Variants in KCNJ5 observed in about 807,000 individuals in gnomAD.
The protein encoded by KCNJ5 is potassium inwardly rectifying channel subfamily J member 5.
KCNJ5 carries 12 observed loss-of-function variants against 20.2 expected under a neutral mutation model. The observed-to-expected ratio is 0.59, with a 90% CI of 0.38 to 0.96. KCNJ5 has a LOEUF of 0.96. Ranked by LOEUF, KCNJ5 falls within the 40% of genes least tolerant of loss-of-function variation. KCNJ5 has a pLI of 0.00. For synonymous variants in KCNJ5, 210 were observed against 213.9 expected (o/e 0.98, Z 0.16); for missense variants, 449 against 557.6 (o/e 0.81, Z 1.96).
At chr11:128,912,613 C>G (rs1194966338) in intron 2 of KCNJ5, among the ~76,000 whole-genome samples, 1 of 152,122 alleles carries the variant, frequency 6.6e-6, no homozygotes, top group South Asian at 2.1e-4. Flanking sequence ...CGGATTCAAG[C>G]GATTCTCCTG....
At chr11:128,894,650 A>T (rs1591436922) in intron 1 of KCNJ5, among the ~76,000 whole-genome samples, 1 of 152,358 alleles carries the variant, frequency 6.6e-6, no homozygotes, top group East Asian at 1.9e-4. Flanking sequence ...ACCTGAGTGT[A>T]TTTCTCAAAA....
chr11:128,904,458 T>C (rs748342179), intron 1 of KCNJ5: 2 of 1,613,976 alleles, frequency 1.2e-6, no homozygotes, highest in Non-Finnish European at 1.7e-6. Context: ...GGCCAGATTC[T>C]GGGACTAGGC....
chr11:128,904,343 G>C, intron 1 of KCNJ5: 2 of 1,560,428 alleles, frequency 1.3e-6, no homozygotes, highest in South Asian at 2.4e-5. Flanking sequence ...ACTCTCTACT[G>C]CACTGATTTT....
At chr11:128,898,745 G>A (rs895234646) in intron 1 of KCNJ5, among the ~76,000 whole-genome samples, 3 of 151,978 alleles carry the variant, frequency 2.0e-5, no homozygotes, top group African/African-American at 4.8e-5. Flanking sequence ...GTTCAGTGGC[G>A]CAATCTCGGC....
At chr11:128,915,009 T>C (rs1944556521) in intron 2 of KCNJ5, among the ~76,000 whole-genome samples, 8 of 152,244 alleles carry the variant, frequency 5.3e-5, no homozygotes, top group Admixed American at 5.2e-4. Context: ...GAGAGCAGGC[T>C]GTGGGCGCAC....
At chr11:128,898,695 T>C (rs2083591107) in intron 1 of KCNJ5, among the ~76,000 whole-genome samples, 1 of 152,142 alleles carries the variant, frequency 6.6e-6, no homozygotes. Flanking sequence ...TCTTTCTTTC[T>C]TTTTTTTAGA....
rs549295876 is a variant in KCNJ5, at chr11:128,897,932, C to T, written c.-11+6211C>T. Among the ~76,000 whole-genome samples, 13 of 152,274 alleles carry T rather than the reference C, an allele frequency of 8.5e-5. No homozygotes were observed. In the South Asian group the frequency reaches 2.3e-3, roughly 27 times the overall value. On this transcript the variant is annotated intron_variant, in intron 1 of 2. Transcript: ENST00000529694. ...TTTCCTCCACTGAATTCCTTTTGCA[C>T]TTTTGTCAAAAATAAGTTGGGCATA...
chr11:128,892,958 G>C (rs1264519203), intron 1 of KCNJ5, among the ~76,000 whole-genome samples: 2 of 152,194 alleles, frequency 1.3e-5, no homozygotes, highest in African/African-American at 2.4e-5. Context: ...CAAAACTCTT[G>C]TCCTCTGGCT....
chr11:128,898,360 T>A lies in KCNJ5; in HGVS notation c.-11+6639T>A, dbSNP rs143643891. ...ATTTTGTAATTGTCAGCAGTTCTTTTTGCTCTGCCATGAACTAATTGTGTC... is the reference window on the plus strand; with the variant it reads ...ATTTTGTAATTGTCAGCAGTTCTTTATGCTCTGCCATGAACTAATTGTGTC... On this transcript the variant is annotated intron_variant, in intron 1 of 2. Coordinates refer to ENST00000529694, the MANE Select transcript of KCNJ5 (RefSeq NM_000890.5). Among the ~76,000 whole-genome samples, 91 of 152,394 alleles carry A rather than the reference T, an allele frequency of 6.0e-4. 1 individual carries two copies. The highest frequency in any genetic ancestry group is 3.4e-3 in the Middle Eastern group (1 of 294).
At chr11:128,915,115 G>A (rs981800545) in intron 2 of KCNJ5, among the ~76,000 whole-genome samples, 2 of 152,240 alleles carry the variant, frequency 1.3e-5, no homozygotes, top group African/African-American at 2.4e-5. Context: ...AGCTGGAGAC[G>A]GTTGCCTTCA....
In KCNJ5 at chr11:128,919,313, C is replaced by T. The variant is rs941168331; in HGVS notation, c.*2582C>T. 4 of 152,506 alleles carry T rather than the reference C, an allele frequency of 2.6e-5. No individual in the cohort carries two copies. Among genetic ancestry groups the T allele is most frequent in the Non-Finnish European group, 5.9e-5 (4 of 68,262 alleles). 9.4% of individuals were successfully genotyped at this position (152,506 alleles called of 1,614,324 possible). A position where few individuals can be genotyped will look rare whatever the true frequency, so the allele number is the denominator to read the frequency against. ...CCAGTTCTCTCACTCCACCAGGGCC[C>T]TCCGTGAGCCAGGACCAGGTCACAT... On this transcript the variant is annotated 3_prime_UTR_variant, in exon 3 of 3. Transcript: ENST00000529694.
intron 1 of KCNJ5, among the ~76,000 whole-genome samples, chr11:128,894,334 A>G (rs748342779): frequency 8.5e-5 from 13 of 152,192 alleles, no homozygotes; most frequent in East Asian, 3.8e-4. Flanking sequence ...ACATTTTCTG[A>G]GCCAATACTG....
intron 1 of KCNJ5, among the ~76,000 whole-genome samples, chr11:128,895,793 T>A (rs771975590): frequency 6.6e-6 from 1 of 152,230 alleles, no homozygotes; most frequent in Non-Finnish European, 1.5e-5. Context: ...GGCACAGGCA[T>A]CGCCGGGGCG....
intron 1 of KCNJ5, among the ~76,000 whole-genome samples, chr11:128,892,324 G>A (rs531054136): frequency 9.3e-4 from 141 of 152,298 alleles, no homozygotes; most frequent in Admixed American, 4.0e-3. Context: ...AGAGAAGGCC[G>A]GCCTTGTCAT....
intron 2 of KCNJ5, among the ~76,000 whole-genome samples, chr11:128,914,792 G>A (rs1167654426): frequency 6.6e-6 from 1 of 152,234 alleles, no homozygotes; most frequent in African/African-American, 2.4e-5. Flanking sequence ...CTACAGGGCA[G>A]CCGCTGCCAC....
rs1409617551 is a variant in KCNJ5, at chr11:128,919,656, C to T, written c.*2925C>T. 1 of 152,206 alleles carries T rather than the reference C, an allele frequency of 6.6e-6. No homozygotes were observed. The highest frequency in any genetic ancestry group is 1.5e-5 in the Non-Finnish European group (1 of 68,028). The allele number at this position is 152,206 out of a possible 1,614,324, so 9.4% of individuals were successfully genotyped here. ...GGACAGAGTTTCAAGGGGTCACTTT[C>T]AAAACATTTAATTAATTTATTTATG... On this transcript the variant is annotated 3_prime_UTR_variant, in exon 3 of 3. Coordinates refer to ENST00000529694, the MANE Select transcript of KCNJ5 (RefSeq NM_000890.5).
chr11:128,912,892 T>C (rs1043063967), intron 2 of KCNJ5, among the ~76,000 whole-genome samples: 1 of 152,204 alleles, frequency 6.6e-6, no homozygotes, highest in Non-Finnish European at 1.5e-5. Context: ...CACTTTCGAA[T>C]GATAGAGCTA....
At chr11:128,908,297 A>G (rs1271951058) in intron 1 of KCNJ5, among the ~76,000 whole-genome samples, 2 of 152,240 alleles carry the variant, frequency 1.3e-5, no homozygotes, top group African/African-American at 2.4e-5. Flanking sequence ...AATCCCTACA[A>G]TTGGCTCCCA....
chr11:128,906,528 C>G (rs1944418780), intron 1 of KCNJ5, among the ~76,000 whole-genome samples: 1 of 152,190 alleles, frequency 6.6e-6, no homozygotes, highest in Non-Finnish European at 1.5e-5. Flanking sequence ...TCAGGGCCCC[C>G]TTCAAGCTCC....
Sources: allele counts gnomAD v4.1 joint callset (sites outside exome capture counted in the v4.1 genomes callset), GRCh38; gene constraint gnomAD v4.1.1; transcripts MANE v1.5; gene names NCBI Gene and HGNC (gene_info 2026-07-23, HGNC 2026-07-21).